GBF1: variants seen among roughly 807,000 people sequenced by gnomAD.
The protein encoded by GBF1 is golgi brefeldin A resistant guanine nucleotide exchange factor 1.
In GBF1, 114 loss-of-function variants were observed where a neutral mutation model predicts 210.5. The observed-to-expected ratio is 0.54, with a 90% confidence interval of 0.47 to 0.63. The LOEUF (loss-of-function observed/expected upper bound fraction) is 0.63, where lower values mean the gene tolerates loss of function less well. GBF1 is among the 30% of genes least tolerant of loss of function. The pLI, the probability that GBF1 is intolerant of heterozygous loss-of-function variation, is 0.00. For synonymous variants in GBF1, 850 were observed against 889.2 expected (o/e 0.96, Z 0.78); for missense variants, 1,851 against 2,357.7 (o/e 0.79, Z 4.45).
At chr10:102,305,302 T>C (rs1326582756) in intron 3 of GBF1, among the ~76,000 whole-genome samples, 3 of 152,010 alleles carry the variant, frequency 2.0e-5, no homozygotes, top group African/African-American at 7.3e-5. Flanking sequence ...TGGACAAATC[T>C]TTCTCCTAGC....
chr10:102,330,927 G>A (rs1361509872), intron 3 of GBF1, among the ~76,000 whole-genome samples: 1 of 152,042 alleles, frequency 6.6e-6, no homozygotes, highest in Non-Finnish European at 1.5e-5. Context: ...CCATGTGTAT[G>A]CTGCCTTTAA....
At chr10:102,354,935 G>A (rs531594333) in intron 8 of GBF1, among the ~76,000 whole-genome samples, 16 of 140,034 alleles carry the variant, frequency 1.1e-4, no homozygotes, top group African/African-American at 4.0e-4. Context: ...TTTTTTTCTT[G>A]GTTACCATTA....
the GBF1 span, chr10:102,232,012 A>G: frequency 6.2e-7 from 1 of 1,609,964 alleles, no homozygotes; most frequent in Non-Finnish European, 8.5e-7. Context: ...GGGGGTGCGG[A>G]GTGCCAGCGT....
intron 3 of GBF1, among the ~76,000 whole-genome samples, chr10:102,295,504 GT>G (rs1383838175): frequency 6.6e-6 from 1 of 152,152 alleles, no homozygotes; most frequent in Non-Finnish European, 1.5e-5. Context: ...TCTTTTAGAT[GT>G]GATGATAATG....
chr10:102,367,296 A>T (rs1353239861), intron 20 of GBF1, 86 bp downstream of exon 20: 1 of 1,416,960 alleles, frequency 7.1e-7, no homozygotes, highest in East Asian at 2.3e-5. Context: ...AGTGGGCATG[A>T]TGGATGGGGT....
At chr10:102,241,610 C>T (rs573165938), upstream of GBF1, 1 of 152,410 alleles carries the variant, frequency 6.6e-6, no homozygotes, top group South Asian at 2.1e-4. This position sits in a 1 kb window ranked among gnomAD's most constrained non-coding sequence, Gnocchi z 6.7. Flanking sequence ...TTCCAGCTGC[C>T]CTGCTGGGGC....
intron 3 of GBF1, among the ~76,000 whole-genome samples, chr10:102,276,035 T>C (rs1589450634): frequency 6.7e-6 from 1 of 149,520 alleles, no homozygotes; most frequent in Admixed American, 6.7e-5. Context: ...TTAGGAGTTC[T>C]AGACCAGCCT....
chr10:102,268,507 C>A (rs1226871605), intron 3 of GBF1, among the ~76,000 whole-genome samples: 1 of 152,100 alleles, frequency 6.6e-6, no homozygotes, highest in African/African-American at 2.4e-5. Flanking sequence ...GCACAGCTAC[C>A]TCTTGAGGCC....
intron 8 of GBF1, among the ~76,000 whole-genome samples, chr10:102,354,212 A>G (rs983929521): frequency 5.3e-5 from 8 of 152,172 alleles, no homozygotes; most frequent in Admixed American, 2.6e-4. Context: ...TTGCAGCCCT[A>G]AGAGGGTCTA....
intron 17 of GBF1, among the ~76,000 whole-genome samples, chr10:102,364,081 C>T (rs1589787156): frequency 6.6e-6 from 1 of 152,024 alleles, no homozygotes; most frequent in East Asian, 1.9e-4. Context: ...GAGTTGGTGT[C>T]TTGTGGGTCA....
chr10:102,353,798 G>A (rs1334667217), intron 8 of GBF1, 144 bp downstream of exon 8: 8 of 638,698 alleles, frequency 1.3e-5, no homozygotes, highest in Non-Finnish European at 1.7e-5. Flanking sequence ...CACTCCTTTC[G>A]TGAGAAATGT....
chr10:102,378,217 CAAAAA>C (rs147480488), intron 33 of GBF1, among the ~76,000 whole-genome samples: 2 of 88,218 alleles, frequency 2.3e-5, no homozygotes, highest in Admixed American at 2.5e-4. Context: ...GACTCCATCT[CAAAAA>C]AAAAAAAAAG....
Position 102,380,387 on chromosome 10 carries a change from C to A in GBF1, c.4992+25C>A, listed in dbSNP as rs370035927. On this transcript the variant is annotated intron_variant, in intron 37 of 39. Coordinates refer to ENST00000369983, the MANE Select transcript of GBF1 (RefSeq NM_001377137.1). ...GGTATGTTCTACCTCAGCTCTGCTG[C>A]CTGCCTCCTGTCCCACCTGTTGGAA... is the stretch of plus-strand genomic sequence containing the variant. 1.2e-4 allele frequency: 193 copies of A among 1,582,884 alleles called. 2 individuals carry two copies. The South Asian group carries it at 1.9e-3, about 16-fold the overall frequency.
At chr10:102,233,287 C>CT in the GBF1 span, among the ~76,000 whole-genome samples, 283 of 132,184 alleles carry the variant, frequency 2.1e-3, 2 homozygotes, top group African/African-American at 6.8e-3. Context: ...CGACTTCTTT[C>CT]TTTTTTTTTT....
chr10:102,328,034 A>G (rs993033132), intron 3 of GBF1, among the ~76,000 whole-genome samples: 1 of 152,230 alleles, frequency 6.6e-6, no homozygotes, highest in Admixed American at 6.5e-5. Flanking sequence ...TTTACTGTCC[A>G]GCTCACAGAC....
chr10:102,260,157 A>AAAT, intron 3 of GBF1, 41 bp downstream of exon 3: 1 of 1,026,610 alleles, frequency 9.7e-7, no homozygotes, highest in Non-Finnish European at 1.5e-6. Flanking sequence ...TCTTGGTAAA[A>AAAT]AATATGTGTT....
intron 38 of GBF1, 42 bp downstream of exon 38, chr10:102,380,728 C>T (rs1054846456): frequency 6.6e-7 from 1 of 1,512,052 alleles, no homozygotes. Flanking sequence ...AGTCTCCTGC[C>T]TGGGCACAAT....
chr10:102,305,687 G>C (rs2133896923), intron 3 of GBF1, among the ~76,000 whole-genome samples: 1 of 152,170 alleles, frequency 6.6e-6, no homozygotes, highest in African/African-American at 2.4e-5. Context: ...TGTCGCCCAG[G>C]CTGGAGTGCC....
Position 102,316,823 on chromosome 10 carries a change from T to TA in GBF1, c.164-27227dup, listed in dbSNP as rs2078975016. On this transcript the variant is annotated intron_variant, in intron 3 of 39. Transcript: ENST00000369983. ...TATTCTTCTTTGTATATCCAATGGC[T>TA]AGCAGTGCCAGGCCCACAGAAGGTA... 2.6e-5 allele frequency among the ~76,000 whole-genome samples: 4 copies of TA among 152,340 alleles called. No homozygotes were observed. The South Asian group carries it at 6.2e-4, about 24-fold the overall frequency.
Sources: gnomAD v4.1 joint callset for allele counts (sites outside exome capture counted in the v4.1 genomes callset) on GRCh38, gnomAD v4.1.1 for gene constraint, Gnocchi (gnomAD v3.1) non-coding constraint, MANE v1.5 for transcripts, NCBI Gene and HGNC (gene_info 2026-07-23, HGNC 2026-07-21) for gene names.